The following CAMTA1 variants were observed in gnomAD, a reference collection of about 807,000 sequenced individuals.
CAMTA1 encodes the protein calmodulin binding transcription activator 1.
A neutral mutation model predicts 170.9 loss-of-function variants in CAMTA1; 27 were observed. That is an observed-to-expected ratio of 0.16 (90% CI 0.12 to 0.22). The LOEUF is 0.22. Among genes scored for constraint, CAMTA1 ranks in the 10% least tolerant of loss-of-function variants. The pLI is 1.00. For synonymous variants in CAMTA1, 833 were observed against 891.5 expected (o/e 0.93, Z 1.17); for missense variants, 1,619 against 2,217.2 (o/e 0.73, Z 5.42).
At chr1:7,730,103 A>C (rs558639421) in intron 11 of CAMTA1, among the ~76,000 whole-genome samples, 6 of 152,232 alleles carry the variant, frequency 3.9e-5, no homozygotes, top group Non-Finnish European at 7.3e-5. Context: ...AGGATTTATC[A>C]TGTTCTGAGC....
chr1:7,313,442 C>T (rs575536628), intron 5 of CAMTA1, among the ~76,000 whole-genome samples: 66 of 152,332 alleles, frequency 4.3e-4, no homozygotes, highest in African/African-American at 1.6e-3. Flanking sequence ...CACTCCACGG[C>T]TTTGCCTGAG....
intron 3 of CAMTA1, among the ~76,000 whole-genome samples, chr1:7,077,848 C>A (rs1639505578): frequency 1.3e-5 from 2 of 152,070 alleles, no homozygotes; most frequent in Admixed American, 1.3e-4. Context: ...TGTCTGCTAC[C>A]ATGAAAGCCT....
intron 6 of CAMTA1, among the ~76,000 whole-genome samples, chr1:7,622,840 C>T (rs2095607954): frequency 6.6e-6 from 1 of 152,268 alleles, no homozygotes; most frequent in Admixed American, 6.5e-5. Flanking sequence ...CATCATGGAA[C>T]TCGGCCCTCA....
At position 7,125,553 on chromosome 1, in the gene CAMTA1, G is replaced by A. The variant is rs139444358; in HGVS notation, c.302+34182G>A. Among the ~76,000 whole-genome samples, 359 of 152,284 alleles carry A rather than the reference G, an allele frequency of 2.4e-3. 3 individuals are homozygous for A. The highest frequency in any genetic ancestry group is 8.5e-3 in the African/African-American group (353 of 41,556). On this transcript the variant is annotated intron_variant, in intron 4 of 22. Transcript: ENST00000303635. ...CTACGGAAACACTTCCTGGAGTAAGGGACAAATAAGCAGAGGCCCCAAGGA... is the reference window on the plus strand; with the variant it reads ...CTACGGAAACACTTCCTGGAGTAAGAGACAAATAAGCAGAGGCCCCAAGGA...
chr1:7,486,856 A>G (rs1381922910), intron 6 of CAMTA1, among the ~76,000 whole-genome samples: 1 of 151,836 alleles, frequency 6.6e-6, no homozygotes, highest in Non-Finnish European at 1.5e-5. Flanking sequence ...CCTGTGAGCA[A>G]CCCCCTGGAT....
intron 1 of CAMTA1, among the ~76,000 whole-genome samples, chr1:6,800,759 C>G (rs1202442510): frequency 6.6e-6 from 1 of 152,304 alleles, no homozygotes; most frequent in African/African-American, 2.4e-5. Context: ...TGTCATTGAT[C>G]ATATCACATC....
At chr1:7,308,278 T>C (rs990418334) in intron 5 of CAMTA1, among the ~76,000 whole-genome samples, 2 of 151,980 alleles carry the variant, frequency 1.3e-5, no homozygotes, top group Admixed American at 6.5e-5. Flanking sequence ...AGTTTATTAA[T>C]CTTATTTATC....
chr1:7,349,867 C>G (rs1314323328), intron 5 of CAMTA1, among the ~76,000 whole-genome samples: 1 of 152,214 alleles, frequency 6.6e-6, no homozygotes, highest in Non-Finnish European at 1.5e-5. Flanking sequence ...ACCTCATGTT[C>G]AAAGTAAGCC....
intron 5 of CAMTA1, among the ~76,000 whole-genome samples, chr1:7,366,960 A>G (rs1343392344): frequency 1.3e-5 from 2 of 151,802 alleles, no homozygotes; most frequent in African/African-American, 4.8e-5. Context: ...CTTTGGCTTC[A>G]CTCTGGGGCC....
At chr1:7,447,905 A>G (rs1351255493) in intron 5 of CAMTA1, among the ~76,000 whole-genome samples, 2 of 152,170 alleles carry the variant, frequency 1.3e-5, no homozygotes, top group Admixed American at 6.5e-5. Context: ...AAGCAAAGCT[A>G]TTTGCCCAAG....
chr1:7,102,889 T>C (rs1480521763), intron 4 of CAMTA1, among the ~76,000 whole-genome samples: 3 of 152,206 alleles, frequency 2.0e-5, no homozygotes. Flanking sequence ...CTTCTTTAGT[T>C]GTTGGTTGGC....
At chr1:7,743,827 C>CTTT (rs778978168) in intron 16 of CAMTA1, among the ~76,000 whole-genome samples, 3 of 146,794 alleles carry the variant, frequency 2.0e-5, no homozygotes, top group Admixed American at 1.4e-4. Context: ...TTTTTCTTTT[C>CTTT]TTTTCTTTTT....
intron 1 of CAMTA1, among the ~76,000 whole-genome samples, chr1:6,799,531 A>G (rs1209050468): frequency 6.6e-6 from 1 of 152,166 alleles, no homozygotes; most frequent in Non-Finnish European, 1.5e-5. Flanking sequence ...TTCTGCATTT[A>G]TCACTCTTGA....
At chr1:7,408,475 C>T (rs955337976) in intron 5 of CAMTA1, among the ~76,000 whole-genome samples, 24 of 152,222 alleles carry the variant, frequency 1.6e-4, no homozygotes, top group Admixed American at 1.5e-3. Context: ...CCTCTGCTGA[C>T]CTCAGCTGTC....
At chr1:6,847,806 T>G (rs903052919) in intron 3 of CAMTA1, among the ~76,000 whole-genome samples, 3 of 151,556 alleles carry the variant, frequency 2.0e-5, no homozygotes, top group African/African-American at 7.3e-5. Flanking sequence ...CGGGTTCAAG[T>G]GATTCTTCTG....
At position 7,767,836 on chromosome 1, in the gene CAMTA1, T is replaced by G; in HGVS notation, c.*1345T>G. The G allele has an allele frequency of 1.9e-5, 1 of 52,262 alleles. No homozygotes were observed. Among genetic ancestry groups the G allele is most frequent in the East Asian group, 6.6e-4 (1 of 1,522 alleles). The allele number at this position is 52,262 out of a possible 1,614,324, so 3.2% of individuals were successfully genotyped here. A position where few individuals can be genotyped will look rare whatever the true frequency, so the allele number is the denominator to read the frequency against. On this transcript the variant is annotated 3_prime_UTR_variant, in exon 23 of 23. Coordinates refer to ENST00000303635, the MANE Select transcript of CAMTA1 (RefSeq NM_015215.4). ...GGAGAACATTTTGCTAAAGCATGAC[T>G]AAACTGCAAAAAAAAAAAAAGAGCT...
intron 15 of CAMTA1, 86 bp downstream of exon 15, chr1:7,737,656 T>G: frequency 7.9e-7 from 1 of 1,260,452 alleles, no homozygotes; most frequent in Non-Finnish European, 1.1e-6. Context: ...GTCCATAGGA[T>G]AGTCACATAC....
At chr1:7,098,979 G>A (rs866385809) in intron 4 of CAMTA1, among the ~76,000 whole-genome samples, 12 of 152,286 alleles carry the variant, frequency 7.9e-5, no homozygotes, top group Middle Eastern at 3.4e-3. Context: ...AAGTGTTGAT[G>A]TTTGTGTCTC....
intron 6 of CAMTA1, among the ~76,000 whole-genome samples, chr1:7,608,884 G>A (rs2095504434): frequency 6.6e-6 from 1 of 152,176 alleles, no homozygotes; most frequent in South Asian, 2.1e-4. Context: ...AGAAGGGCCA[G>A]GCCCTTGGCA....
Sources: allele counts gnomAD v4.1 joint callset (sites outside exome capture counted in the v4.1 genomes callset), GRCh38; gene constraint gnomAD v4.1.1; transcripts MANE v1.5; gene names NCBI Gene and HGNC (gene_info 2026-07-23, HGNC 2026-07-21).